The following NAV3 variants were observed in gnomAD, a reference collection of about 807,000 sequenced individuals.
NAV3 encodes neuron navigator 3.
NAV3 carries 87 observed loss-of-function variants against 244.7 expected under a neutral mutation model. The ratio of observed to expected loss-of-function variants is 0.36; its 90% CI spans 0.30 to 0.42. The LOEUF (loss-of-function observed/expected upper bound fraction) is 0.42. Ranked by LOEUF, NAV3 falls within the 20% of genes least tolerant of loss-of-function variation. The pLI is 1.00. For synonymous variants in NAV3, 1,126 were observed against 1,042.2 expected, an observed-to-expected ratio of 1.08 and a Z score of -1.55; for missense variants, 2,663 against 2,893.3, an observed-to-expected ratio of 0.92 and a Z score of 1.83.
At chr12:78,009,445 C>CAAAAA (rs35722033) in intron 8 of NAV3, among the ~76,000 whole-genome samples, 1 of 69,896 alleles carries the variant, frequency 1.4e-5, no homozygotes, top group Non-Finnish European at 2.6e-5. Context: ...GAGGGAAACT[C>CAAAAA]AAAAAAAAAA....
At chr12:78,022,619 C>T (rs1038869180) in intron 9 of NAV3, among the ~76,000 whole-genome samples, 1 of 152,056 alleles carries the variant, frequency 6.6e-6, no homozygotes, top group African/African-American at 2.4e-5. Flanking sequence ...TGTGTATTCA[C>T]AGCTAAGTTC....
chr12:77,818,562 G>T (rs1296914180), intron 2 of NAV3, among the ~76,000 whole-genome samples: 3 of 152,094 alleles, frequency 2.0e-5, no homozygotes, highest in Admixed American at 2.0e-4. Flanking sequence ...CAGTGTCTTT[G>T]CAGGGATGAG....
intron 5 of NAV3, among the ~76,000 whole-genome samples, chr12:77,994,229 C>A (rs1871943641): frequency 6.6e-6 from 1 of 152,172 alleles, no homozygotes; most frequent in African/African-American, 2.4e-5. Flanking sequence ...TTCCCCAAGA[C>A]AAAACATCTT....
At chr12:77,862,232 A>G (rs1426184336) in intron 1 of NAV3, among the ~76,000 whole-genome samples, 1 of 151,822 alleles carries the variant, frequency 6.6e-6, no homozygotes, top group East Asian at 1.9e-4. Flanking sequence ...CATTAAAATA[A>G]TGGTTTTTAA....
chr12:78,174,132 C>T (rs1330767752), intron 24 of NAV3, among the ~76,000 whole-genome samples: 3 of 151,666 alleles, frequency 2.0e-5, no homozygotes, highest in East Asian at 3.9e-4. Flanking sequence ...AGTATATTAA[C>T]GGAAATGGAC....
At chr12:78,117,913 A>G (rs1452485314) in intron 13 of NAV3, 114 bp from the exon 14 acceptor site, 2 of 1,063,576 alleles carry the variant, frequency 1.9e-6, no homozygotes, top group Non-Finnish European at 2.6e-6. Context: ...GTGAAGGTAA[A>G]TCAAAATAGA....
intron 7 of NAV3, among the ~76,000 whole-genome samples, chr12:78,001,149 A>G (rs1299531457): frequency 2.0e-5 from 3 of 152,182 alleles, no homozygotes; most frequent in Admixed American, 1.3e-4. Context: ...GTTTGCATAT[A>G]TAACTTGGGT....
At chr12:78,055,529 A>G (rs958165585) in intron 11 of NAV3, among the ~76,000 whole-genome samples, 1 of 152,216 alleles carries the variant, frequency 6.6e-6, no homozygotes, top group Non-Finnish European at 1.5e-5. Context: ...TGTTCTTCAC[A>G]TAAAACCCTC....
At chr12:77,865,482 T>C in intron 1 of NAV3, among the ~76,000 whole-genome samples, 1 of 152,104 alleles carries the variant, frequency 6.6e-6, no homozygotes, top group East Asian at 1.9e-4. Context: ...TATAGCTGTC[T>C]TTGAAATATA....
At chr12:77,576,904 G>C (rs1534252) in intron 2 of NAV3, among the ~76,000 whole-genome samples, 61,335 of 151,694 alleles carry the variant, frequency 0.4, 13,766 homozygotes, top group Admixed American at 0.51. Flanking sequence ...GTTATAGGGA[G>C]CATGAGGGAT....
intron 2 of NAV3, among the ~76,000 whole-genome samples, chr12:77,658,995 C>G (rs980842444): frequency 6.6e-6 from 1 of 151,944 alleles, no homozygotes; most frequent in Non-Finnish European, 1.5e-5. Context: ...AGACCTAAAA[C>G]CATAAAAACC....
chr12:78,073,043 A>C (rs1447615007), intron 12 of NAV3, among the ~76,000 whole-genome samples: 4 of 137,892 alleles, frequency 2.9e-5, no homozygotes, highest in African/African-American at 1.0e-4. Context: ...ATTTCAAAAT[A>C]ATAAGAGCTA....
At chr12:77,861,751 TC>T (rs957518652) in intron 1 of NAV3, among the ~76,000 whole-genome samples, 2 of 151,928 alleles carry the variant, frequency 1.3e-5, no homozygotes, top group African/African-American at 4.8e-5. Context: ...TAAAGAAACT[TC>T]CTGAAATCTT....
chr12:77,981,056 C>G (rs1229383157), intron 5 of NAV3, among the ~76,000 whole-genome samples: 1 of 152,104 alleles, frequency 6.6e-6, no homozygotes, highest in Non-Finnish European at 1.5e-5. Context: ...TAACCTGTCC[C>G]AAATGCAATT....
chr12:77,631,872 C>G lies in NAV3; in HGVS notation c.72+59606C>G, dbSNP rs1286546635. Among the ~76,000 whole-genome samples, 5 of 152,268 alleles carry G rather than the reference C, an allele frequency of 3.3e-5. 1 individual carries two copies. The South Asian group carries it at 1.0e-3, about 32-fold the overall frequency. On this transcript the variant is annotated intron_variant, in intron 2 of 8. Transcript: ENST00000550042. ...GGTATACCAGGGCCTATTCCACTTT[C>G]CTAAACCACCAAAATGTACTGTTTG...
intron 2 of NAV3, among the ~76,000 whole-genome samples, chr12:77,616,946 AT>A: frequency 6.6e-6 from 1 of 152,216 alleles, no homozygotes; most frequent in South Asian, 2.1e-4. Context: ...TGGTTTCAAA[AT>A]TTTTTGCAGC....
intron 38 of NAV3, among the ~76,000 whole-genome samples, chr12:78,203,128 A>G (rs1959907559): frequency 6.6e-6 from 1 of 151,860 alleles, no homozygotes; most frequent in East Asian, 1.9e-4. Context: ...TCAGCTATCA[A>G]TTCATCTCAT....
chr12:77,849,247 CAT>C (rs77464279), intron 1 of NAV3, among the ~76,000 whole-genome samples: 59,764 of 151,800 alleles, frequency 0.39, 13,536 homozygotes, highest in Non-Finnish European at 0.5. Flanking sequence ...GTGATTTAAA[CAT>C]ATGTGTTGAA....
intron 5 of NAV3, among the ~76,000 whole-genome samples, chr12:77,983,261 G>T (rs915570828): frequency 2.0e-5 from 3 of 152,140 alleles, no homozygotes; most frequent in African/African-American, 7.2e-5. Context: ...AGGGGAATAG[G>T]GATGGACCCT....
Sources: allele counts gnomAD v4.1 joint callset (sites outside exome capture counted in the v4.1 genomes callset), GRCh38; gene constraint gnomAD v4.1.1; transcripts MANE v1.5; gene names NCBI Gene and HGNC (gene_info 2026-07-23, HGNC 2026-07-21).